Variants in SLC47A1 observed in about 807,000 individuals in gnomAD.
SLC47A1 encodes solute carrier family 47 member 1.
Under a neutral mutation model 65.8 loss-of-function variants are expected in SLC47A1, and 58 were observed. The observed-to-expected ratio is 0.88, with a 90% CI of 0.71 to 1.10. SLC47A1 has a LOEUF of 1.10. Among genes scored for constraint, SLC47A1 ranks in the 50% least tolerant of loss-of-function variants. SLC47A1 has a pLI of 0.00. For synonymous variants in SLC47A1, 285 were observed against 295.0 expected, an observed-to-expected ratio of 0.97 and a Z score of 0.35; for missense variants, 706 against 719.2, an observed-to-expected ratio of 0.98 and a Z score of 0.21.
chr17:19,555,848 C>T lies in SLC47A1; in HGVS notation c.792C>T (p.Ile264=). 1 of 1,613,844 alleles carries T rather than the reference C, an allele frequency of 6.2e-7. No individual in the cohort carries two copies. The highest frequency in any genetic ancestry group is 8.5e-7 in the Non-Finnish European group (1 of 1,180,022). ...GGGCCTCCTTCCTCCGCCTGGCCAT[C>T]CCCAGCATGCTCATGCTGTGCATGG... ...QDWASFLRLA[I]PSMLMLCMEW... is the part of the protein sequence containing the mutation. Residue 264 remains isoleucine (I), a synonymous_variant, in exon 9 of 17, where the codon ATC becomes ATT. Transcript: ENST00000270570.
intron 15 of SLC47A1, among the ~76,000 whole-genome samples, chr17:19,572,483 T>A (rs1235049734): frequency 2.0e-5 from 3 of 151,934 alleles, no homozygotes; most frequent in Non-Finnish European, 4.4e-5. Context: ...TGTTGTTATT[T>A]TTTTGTTTTT....
chr17:19,570,840 C>T (rs1303106739), intron 14 of SLC47A1: 1 of 152,268 alleles, frequency 6.6e-6, no homozygotes, highest in African/African-American at 2.4e-5. Flanking sequence ...AAAAACCCTC[C>T]TCACCTGGGG....
chr17:19,562,378 A>G (rs751303375), intron 12 of SLC47A1, among the ~76,000 whole-genome samples: 2 of 152,102 alleles, frequency 1.3e-5, no homozygotes, highest in Non-Finnish European at 2.9e-5. Flanking sequence ...GCTGGTCGAC[A>G]TGGGGAAACC....
At chr17:19,547,031 G>A (rs1597496718) in intron 3 of SLC47A1, 1 of 153,926 alleles carries the variant, frequency 6.5e-6, no homozygotes, top group Non-Finnish European at 1.4e-5. Flanking sequence ...AGATGTGCAC[G>A]ACTTGAAAAG....
intron 1 of SLC47A1, among the ~76,000 whole-genome samples, chr17:19,539,051 G>A (rs1916068276): frequency 6.6e-6 from 1 of 152,030 alleles, no homozygotes; most frequent in African/African-American, 2.4e-5. Context: ...TGGAATTGCA[G>A]GTGCATGCCA....
chr17:19,567,085 TCTGC>T lies in SLC47A1; in HGVS notation c.1177-6_1177-3del. 2 of 1,614,184 alleles carry T rather than the reference TCTGC, an allele frequency of 1.2e-6. No homozygotes were observed. Among genetic ancestry groups the T allele is most frequent in the Non-Finnish European group, 8.5e-7 (1 of 1,180,014 alleles). Reference sequence around the variant, plus strand: ...ATGTGTTCACAGTGATGGAATGCTCTCTGCCTGCAGTGCACGAGTGGTGGTGTTC... The same window carrying T: ...ATGTGTTCACAGTGATGGAATGCTCTCTGCAGTGCACGAGTGGTGGTGTTC... On this transcript the variant is annotated splice_polypyrimidine_tract_variant and splice_region_variant and intron_variant, in intron 13 of 16. Transcript: ENST00000270570.
At chr17:19,549,311 GC>G (rs1389383169) in intron 4 of SLC47A1, among the ~76,000 whole-genome samples, 5 of 151,860 alleles carry the variant, frequency 3.3e-5, no homozygotes, top group Non-Finnish European at 1.5e-5. Flanking sequence ...AGATTCTCCT[GC>G]CGCAGCCTCC....
intron 12 of SLC47A1, among the ~76,000 whole-genome samples, chr17:19,562,913 G>A (rs527866245): frequency 6.6e-6 from 1 of 152,050 alleles, no homozygotes; most frequent in African/African-American, 2.4e-5. Flanking sequence ...ATCACAGGGG[G>A]CGGGAAACGG....
rs562076891 is a variant in SLC47A1, at chr17:19,558,517, A to G, written c.922-1671A>G. Among the ~76,000 whole-genome samples, 5 of 150,436 alleles carry G rather than the reference A, an allele frequency of 3.3e-5. No individual in the cohort carries two copies. In the South Asian group the frequency reaches 1.1e-3, roughly 32 times the overall value. ...GTCTTGTTCTGGTGACAGCGGCCTGATCTTGGCTTACTACAGTCTTGACCT... is the reference window on the plus strand; with the variant it reads ...GTCTTGTTCTGGTGACAGCGGCCTGGTCTTGGCTTACTACAGTCTTGACCT... On this transcript the variant is annotated intron_variant, in intron 10 of 16. Coordinates refer to ENST00000270570, the MANE Select transcript of SLC47A1 (RefSeq NM_018242.3).
intron 4 of SLC47A1, among the ~76,000 whole-genome samples, chr17:19,549,235 GTTGC>G (rs1420859349): frequency 1.3e-5 from 2 of 151,452 alleles, no homozygotes; most frequent in African/African-American, 4.9e-5. Context: ...GTCTCGCCCT[GTTGC>G]CCAGGCTGGA....
chr17:19,558,262 A>G (rs1320641467), intron 10 of SLC47A1, among the ~76,000 whole-genome samples: 5 of 152,216 alleles, frequency 3.3e-5, no homozygotes, highest in Admixed American at 2.6e-4. Context: ...TTTGAAGAAC[A>G]TAGGCCGTTA....
chr17:19,567,081 G>C lies in SLC47A1; in HGVS notation c.1177-15G>C, dbSNP rs1202368046. The C allele has an allele frequency of 6.2e-7, 1 of 1,614,074 alleles. No individual in the cohort carries two copies. Among genetic ancestry groups the C allele is most frequent in the Non-Finnish European group, 8.5e-7 (1 of 1,180,022 alleles). Reference sequence around the variant, plus strand: ...CCGGATGTGTTCACAGTGATGGAATGCTCTCTGCCTGCAGTGCACGAGTGG... The same window carrying C: ...CCGGATGTGTTCACAGTGATGGAATCCTCTCTGCCTGCAGTGCACGAGTGG... On this transcript the variant is annotated splice_polypyrimidine_tract_variant and intron_variant, in intron 13 of 16. Coordinates refer to ENST00000270570, the MANE Select transcript of SLC47A1 (RefSeq NM_018242.3).
intron 1 of SLC47A1, among the ~76,000 whole-genome samples, chr17:19,539,119 T>C (rs894682): frequency 0.049 from 7,498 of 152,126 alleles, 271 homozygotes; most frequent in East Asian, 0.21. Flanking sequence ...AAATGTTGCC[T>C]GGGCTGGTCT....
chr17:19,577,079 A>G (rs2084446356), intron 16 of SLC47A1, among the ~76,000 whole-genome samples: 1 of 151,792 alleles, frequency 6.6e-6, no homozygotes, highest in African/African-American at 2.4e-5. Context: ...GGGCTACCTT[A>G]TTTCTCTAGC....
chr17:19,566,469 A>G (rs1361031295), intron 12 of SLC47A1, among the ~76,000 whole-genome samples: 1 of 152,050 alleles, frequency 6.6e-6, no homozygotes, highest in Non-Finnish European at 1.5e-5. Context: ...TCTGTCATTC[A>G]GGCTGAAGTG....
At chr17:19,539,080 G>A (rs1323206718) in intron 1 of SLC47A1, among the ~76,000 whole-genome samples, 1 of 152,008 alleles carries the variant, frequency 6.6e-6, no homozygotes, top group Non-Finnish European at 1.5e-5. Flanking sequence ...GCTATTTTTG[G>A]TATTTTCTGT....
chr17:19,572,510 T>C (rs2152317605), intron 15 of SLC47A1, among the ~76,000 whole-genome samples: 1 of 152,142 alleles, frequency 6.6e-6, no homozygotes, highest in South Asian at 2.1e-4. Flanking sequence ...TTAATTGAGA[T>C]GGGATCTTGC....
At position 19,556,020 on chromosome 17, in the gene SLC47A1, C is replaced by A; in HGVS notation, c.879C>A (p.Gly293=). The A allele has an allele frequency of 1.9e-6, 3 of 1,614,142 alleles. No individual in the cohort carries two copies. Among genetic ancestry groups the A allele is most frequent in the Non-Finnish European group, 8.5e-7 (1 of 1,180,034 alleles). Residue 293 remains glycine (G), a synonymous_variant, in exon 10 of 17, where the codon GGC becomes GGA. Coordinates refer to ENST00000270570, the MANE Select transcript of SLC47A1 (RefSeq NM_018242.3). The part of the protein sequence containing the change: ...LSGILGMVEL[G]AQSIVYELAI... ...GCATCCTCGGCATGGTGGAGCTGGGCGCTCAGTCCATCGTGTATGAACTGG... is the reference window on the plus strand; with the variant it reads ...GCATCCTCGGCATGGTGGAGCTGGGAGCTCAGTCCATCGTGTATGAACTGG...
chr17:19,543,405 C>G (rs1273173519), intron 2 of SLC47A1, among the ~76,000 whole-genome samples: 1 of 152,110 alleles, frequency 6.6e-6, no homozygotes, highest in Non-Finnish European at 1.5e-5. Context: ...CCACTGCGCC[C>G]GGCCTACATC....
Sources: allele counts gnomAD v4.1 joint callset (sites outside exome capture counted in the v4.1 genomes callset), GRCh38; gene constraint gnomAD v4.1.1; transcripts MANE v1.5; gene names NCBI Gene and HGNC (gene_info 2026-07-23, HGNC 2026-07-21).